GATA4: variants seen among roughly 807,000 people sequenced by gnomAD.
The protein encoded by GATA4 is transcription factor GATA-4.
In GATA4, 7 loss-of-function variants were observed where a neutral mutation model predicts 37.9. That is an observed-to-expected ratio of 0.18 (90% CI 0.11 to 0.35). GATA4 has a LOEUF of 0.35. Ranked by LOEUF, GATA4 falls within the 10% of genes least tolerant of loss-of-function variation. The pLI, the probability that GATA4 is intolerant of heterozygous loss-of-function variation, is 1.00. For missense variants in GATA4, 647 were observed against 653.0 expected (o/e 0.99, Z 0.10); for synonymous variants, 372 against 292.6 (o/e 1.27, Z -2.77).
intron 5 of GATA4, among the ~76,000 whole-genome samples, chr8:11,755,345 A>C (rs1375826266): frequency 6.6e-6 from 1 of 152,148 alleles, no homozygotes; most frequent in Non-Finnish European, 1.5e-5. Flanking sequence ...AGCAGGCTCA[A>C]CTCAAGCTGG....
At position 11,750,048 on chromosome 8, in the gene GATA4, C is replaced by T. The variant is rs541742039; in HGVS notation, c.787-63C>T. The T allele has an allele frequency of 7.9e-5, 127 of 1,611,898 alleles. 1 individual carries two copies. The Middle Eastern group carries it at 1.2e-3, about 15-fold the overall frequency. On this transcript the variant is annotated intron_variant, in intron 3 of 6. Coordinates refer to ENST00000532059, the MANE Select transcript of GATA4 (RefSeq NM_001308093.3). Reference sequence around the variant, plus strand: ...GGAGGCCCAGCTCCGCAGCCACACGCGAGGTGGAAGGGCAGTGCACACCTT... The same window carrying T: ...GGAGGCCCAGCTCCGCAGCCACACGTGAGGTGGAAGGGCAGTGCACACCTT...
intron 2 of GATA4, among the ~76,000 whole-genome samples, chr8:11,721,358 C>G (rs531164796): frequency 1.8e-4 from 27 of 148,658 alleles, no homozygotes; most frequent in Admixed American, 6.1e-4. Flanking sequence ...GGAATGCAAG[C>G]AGAAGCACGG....
Position 11,749,580 on chromosome 8 carries a change from C to T in GATA4, c.786+495C>T, listed in dbSNP as rs1802195270. On this transcript the variant is annotated intron_variant, in intron 3 of 6. Transcript: ENST00000532059. The surrounding 1 kb of genome is among the most constrained non-coding windows in gnomAD (Gnocchi z 4.6). ...AAGAGTTTGGGCCTGGGGCTTGGCT[C>T]CTGGCTTCCTGCTCCTTTTTAATAT... Among the ~76,000 whole-genome samples, 1 of 152,236 alleles carries T rather than the reference C, an allele frequency of 6.6e-6. No individual in the cohort carries two copies. The highest frequency in any genetic ancestry group is 2.1e-4 in the South Asian group (1 of 4,832).
chr8:11,708,347 G>GGCC lies in GATA4; in HGVS notation c.39_41dup (p.Pro15dup), dbSNP rs1286102046. On this transcript the variant is annotated inframe_insertion, in exon 2 of 7. Transcript: ENST00000532059. The surrounding 1 kb of genome is among the most constrained non-coding windows in gnomAD (Gnocchi z 6.7). ...AGCTTGGCCATGGCCGCCAACCACGGGCCGCCCCCCGGTGCCTACGAGGCG... is the reference window on the plus strand; with the variant it reads ...AGCTTGGCCATGGCCGCCAACCACGGGCCGCCGCCCCCCGGTGCCTACGAGGCG... The GGCC allele has an allele frequency of 6.3e-7, 1 of 1,583,974 alleles. No homozygotes were observed. Among genetic ancestry groups the GGCC allele is most frequent in the East Asian group, 2.3e-5 (1 of 44,346 alleles).
chr8:11,752,015 A>C (rs1010158455), intron 4 of GATA4, among the ~76,000 whole-genome samples: 3 of 152,234 alleles, frequency 2.0e-5, no homozygotes, highest in Non-Finnish European at 4.4e-5. Context: ...TGTGGTGGCA[A>C]AAACTAGAAA....
intron 2 of GATA4, among the ~76,000 whole-genome samples, chr8:11,747,362 G>A (rs201380376): frequency 6.6e-6 from 1 of 152,200 alleles, no homozygotes; most frequent in East Asian, 1.9e-4. Context: ...CTGTAGACAT[G>A]GATGATAAAG....
intron 4 of GATA4, among the ~76,000 whole-genome samples, chr8:11,754,234 G>T (rs804282): frequency 0.53 from 81,091 of 152,058 alleles, 21,907 homozygotes; most frequent in African/African-American, 0.56. Flanking sequence ...CACACCTTTT[G>T]AAGATAGGGC....
At chr8:11,758,135 G>T (rs1012833385) in intron 6 of GATA4, among the ~76,000 whole-genome samples, 158 bp from the exon 7 acceptor site, 2 of 152,142 alleles carry the variant, frequency 1.3e-5, no homozygotes, top group South Asian at 4.1e-4. Flanking sequence ...CTAGATCACC[G>T]GGATCAGGAG....
At chr8:11,698,298 C>T (rs1216126527) in intron 1 of GATA4, among the ~76,000 whole-genome samples, 1 of 152,220 alleles carries the variant, frequency 6.6e-6, no homozygotes, top group Non-Finnish European at 1.5e-5. Flanking sequence ...TCTCTTACAG[C>T]ATGTAAGCTG....
chr8:11,709,577 G>GC lies in GATA4; in HGVS notation c.616+649_616+650insC, dbSNP rs1554488908. 1.5e-5 allele frequency among the ~76,000 whole-genome samples: 2 copies of GC among 136,380 alleles called. No homozygotes were observed. Among genetic ancestry groups the GC allele is most frequent in the Non-Finnish European group, 3.1e-5 (2 of 63,532 alleles). 89.5% of individuals were successfully genotyped at this position (136,380 alleles called of 152,430 possible). The stretch of plus-strand genomic sequence containing the variant: ...GCGTGGGCGCATCATGCGGGCAGCG[G>GC]GGGGGGGGGCGCACACGCCCGGTCA... On this transcript the variant is annotated intron_variant, in intron 2 of 6. Transcript: ENST00000532059. This position sits in a 1 kb window ranked among gnomAD's most constrained non-coding sequence, Gnocchi z 4.3.
chr8:11,739,070 G>T (rs570004796), intron 2 of GATA4, among the ~76,000 whole-genome samples: 3 of 152,230 alleles, frequency 2.0e-5, no homozygotes, highest in East Asian at 1.9e-4. Context: ...AGCTGGGACC[G>T]AGGTGGAAAA....
intron 6 of GATA4, among the ~76,000 whole-genome samples, chr8:11,757,772 C>T (rs1802674443): frequency 6.6e-6 from 1 of 152,250 alleles, no homozygotes; most frequent in Non-Finnish European, 1.5e-5. Flanking sequence ...CTCCCCTCTG[C>T]AGTTCCCTCT....
intron 1 of GATA4, chr8:11,697,914 A>G (rs998840576): frequency 1.0e-6 from 1 of 985,466 alleles, no homozygotes; most frequent in Non-Finnish European, 1.2e-6. Context: ...TGGGGGACCC[A>G]CCAGTCCCCT....
chr8:11,679,132 T>C lies in GATA4; in HGVS notation c.-274+2069T>C, dbSNP rs181554889. Among the ~76,000 whole-genome samples the C allele has an allele frequency of 3.6e-5, 5 of 139,404 alleles. 1 individual carries two copies. In the Admixed American group the frequency reaches 3.8e-4, roughly 10 times the overall value. The allele number at this position is 139,404 out of a possible 152,430, so 91.5% of individuals were successfully genotyped here. On this transcript the variant is annotated intron_variant, in intron 1 of 6. Transcript: ENST00000528712. The stretch of plus-strand genomic sequence containing the variant: ...TTCAAGCCATCAATCTCCAATTGTC[T>C]AAACACTACACGAAGTGGAGATTCG...
chr8:11,695,462 T>A (rs377414612), intron 1 of GATA4, among the ~76,000 whole-genome samples: 1 of 152,114 alleles, frequency 6.6e-6, no homozygotes, highest in African/African-American at 2.4e-5. Context: ...TGCAGAACGA[T>A]ATCATCTTGT....
At chr8:11,722,246 G>C (rs1369160609) in intron 2 of GATA4, among the ~76,000 whole-genome samples, 1 of 152,196 alleles carries the variant, frequency 6.6e-6, no homozygotes, top group Admixed American at 6.5e-5. Flanking sequence ...ATGACCAGCT[G>C]TTTAATCTAT....
intron 2 of GATA4, among the ~76,000 whole-genome samples, chr8:11,710,050 T>C (rs1800104777): frequency 6.6e-6 from 1 of 152,114 alleles, no homozygotes; most frequent in African/African-American, 2.4e-5. Flanking sequence ...CTTTGAAGAG[T>C]AAAGGCTACC....
At chr8:11,757,128 G>A (rs776215655) in intron 6 of GATA4, 45 bp downstream of exon 6, 16 of 1,609,054 alleles carry the variant, frequency 9.9e-6, no homozygotes, top group Middle Eastern at 1.8e-4. Flanking sequence ...TGGGGAGGCC[G>A]ACTGCAGAGT....
chr8:11,734,265 A>G (rs1449102449), intron 2 of GATA4, among the ~76,000 whole-genome samples: 1 of 152,238 alleles, frequency 6.6e-6, no homozygotes, highest in Non-Finnish European at 1.5e-5. Flanking sequence ...ATCTGAATAT[A>G]TATCAGTAAG....
Sources: allele counts gnomAD v4.1 joint callset (sites outside exome capture counted in the v4.1 genomes callset), GRCh38; gene constraint gnomAD v4.1.1; non-coding constraint Gnocchi (gnomAD v3.1); transcripts MANE v1.5; gene names NCBI Gene and HGNC (gene_info 2026-07-23, HGNC 2026-07-21).